The following OSBPL8 variants were observed in gnomAD, a reference collection of about 807,000 sequenced individuals.
OSBPL8 encodes the protein oxysterol binding protein like 8, also known as oxysterol-binding protein-related protein 8.
OSBPL8 carries 59 observed loss-of-function variants against 125.5 expected under a neutral mutation model. The ratio of observed to expected loss-of-function variants is 0.47; its 90% CI spans 0.38 to 0.58. The LOEUF is 0.58. Ranked by LOEUF, OSBPL8 falls within the 20% of genes least tolerant of loss-of-function variation. The pLI, the probability that OSBPL8 is intolerant of heterozygous loss-of-function variation, is 0.00. For missense variants in OSBPL8, 758 were observed against 1,047.8 expected, an observed-to-expected ratio of 0.72 and a Z score of 3.82; for synonymous variants, 330 against 338.9, an observed-to-expected ratio of 0.97 and a Z score of 0.29.
At chr12:76,399,205 T>C (rs1011385207) in intron 7 of OSBPL8, among the ~76,000 whole-genome samples, 1 of 152,124 alleles carries the variant, frequency 6.6e-6, no homozygotes, top group Non-Finnish European at 1.5e-5. Flanking sequence ...TCAGAGGCCT[T>C]AGTAAGTCTT....
intron 1 of OSBPL8, among the ~76,000 whole-genome samples, chr12:76,532,834 T>C (rs1252797587): frequency 1.3e-5 from 2 of 152,134 alleles, no homozygotes; most frequent in African/African-American, 2.4e-5. Flanking sequence ...ACTATCCTAA[T>C]GGGGGCTCCA....
intron 1 of OSBPL8, among the ~76,000 whole-genome samples, chr12:76,554,323 GAAGATCACAAGGTC>G (rs1282701029): frequency 6.6e-6 from 1 of 152,130 alleles, no homozygotes. Flanking sequence ...ACAGACTCAG[GAAGATCACAAGGTC>G]AAGACGTATC....
In OSBPL8 at chr12:76,499,338, CT is replaced by C. The variant is rs901897680; in HGVS notation, c.-67-11721del. Among the ~76,000 whole-genome samples the C allele has an allele frequency of 6.8e-5, 8 of 117,744 alleles. No homozygotes were observed. The South Asian group carries it at 7.6e-4, about 11-fold the overall frequency. 77.2% of individuals were successfully genotyped at this position (117,744 alleles called of 152,430 possible). Reference sequence around the variant, plus strand: ...TCTATCTATCTATCTATCTATCTATCTATCTATCTATCATCTATCTATCTAT... The same window carrying C: ...TCTATCTATCTATCTATCTATCTATCATCTATCTATCATCTATCTATCTAT... On this transcript the variant is annotated intron_variant, in intron 1 of 23. Transcript: ENST00000261183.
intron 21 of OSBPL8, among the ~76,000 whole-genome samples, chr12:76,359,228 A>G (rs889988535): frequency 6.6e-6 from 1 of 152,186 alleles, no homozygotes; most frequent in African/African-American, 2.4e-5. Flanking sequence ...TATAAATCAT[A>G]TTTATTTTGT....
At chr12:76,437,038 G>C (rs1871541681) in intron 4 of OSBPL8, among the ~76,000 whole-genome samples, 1 of 151,880 alleles carries the variant, frequency 6.6e-6, no homozygotes, top group Non-Finnish European at 1.5e-5. Context: ...GTACTCTATT[G>C]TATGAATATA....
intron 6 of OSBPL8, among the ~76,000 whole-genome samples, chr12:76,400,908 C>A (rs900952073): frequency 6.6e-6 from 1 of 151,532 alleles, no homozygotes; most frequent in Admixed American, 6.6e-5. Flanking sequence ...TGTGCCTCAG[C>A]CTCCCAAGCA....
In OSBPL8 at chr12:76,402,707, T is replaced by G. The variant is rs764557784; in HGVS notation, c.348A>C (p.Thr116=). Residue 116 remains threonine (T), a synonymous_variant, in exon 6 of 24, where the codon ACA becomes ACC. Coordinates refer to ENST00000261183, the MANE Select transcript of OSBPL8 (RefSeq NM_020841.5). ...AACTAACCTTAAGAGATTCTTTTTTTGTGAGTTTGCTTGAAGTTGAACTGT... is the reference window on the plus strand; with the variant it reads ...AACTAACCTTAAGAGATTCTTTTTTGGTGAGTTTGCTTGAAGTTGAACTGT... The part of the protein sequence containing the change: ...EKDSSTSSKL[T]KKESLKVQKK... The G allele has an allele frequency of 2.7e-5, 43 of 1,605,964 alleles. No homozygotes were observed. Among genetic ancestry groups the G allele is most frequent in the Admixed American group, 5.0e-5 (3 of 59,900 alleles).
intron 11 of OSBPL8, chr12:76,390,046 T>C (rs2136290893): frequency 2.4e-6 from 1 of 412,958 alleles, no homozygotes; most frequent in East Asian, 3.6e-5. Context: ...ATACAAGAGA[T>C]CCACTACAAA....
Position 76,491,498 on chromosome 12 carries a change from T to C in OSBPL8, c.-67-3880A>G, listed in dbSNP as rs151026296. On this transcript the variant is annotated intron_variant, in intron 1 of 23. Transcript: ENST00000261183. ...CATTATTTAATTGGACTTTGTAAGGTTGACATTTGGCTCCTTTGATATAAT... is the reference window on the plus strand; with the variant it reads ...CATTATTTAATTGGACTTTGTAAGGCTGACATTTGGCTCCTTTGATATAAT... Among the ~76,000 whole-genome samples the C allele has an allele frequency of 1.5e-4, 23 of 152,344 alleles. 1 individual carries two copies. In the East Asian group the frequency reaches 2.7e-3, roughly 18 times the overall value.
At chr12:76,422,464 A>C (rs963758416) in intron 4 of OSBPL8, 19 of 450,070 alleles carry the variant, frequency 4.2e-5, no homozygotes, top group African/African-American at 3.6e-4. Flanking sequence ...GTTTATTTTA[A>C]TTAAAAGTCT....
intron 1 of OSBPL8, among the ~76,000 whole-genome samples, chr12:76,534,793 C>T (rs1350202603): frequency 6.6e-6 from 1 of 152,062 alleles, no homozygotes; most frequent in Non-Finnish European, 1.5e-5. Flanking sequence ...TAATGTGGTA[C>T]TAGCATACCG....
chr12:76,381,478 T>A (rs1953048579), intron 15 of OSBPL8, among the ~76,000 whole-genome samples: 1 of 152,196 alleles, frequency 6.6e-6, no homozygotes, highest in East Asian at 1.9e-4. Flanking sequence ...AAGAAATTTG[T>A]CCATTTCAAA....
intron 4 of OSBPL8, among the ~76,000 whole-genome samples, chr12:76,412,906 G>A (rs1057120974): frequency 1.3e-5 from 2 of 152,120 alleles, no homozygotes; most frequent in African/African-American, 2.4e-5. Flanking sequence ...TGACTTTGCA[G>A]GCATAGTTAG....
chr12:76,397,944 G>A, intron 7 of OSBPL8, 47 bp from the exon 8 acceptor site: 1 of 1,527,726 alleles, frequency 6.5e-7, no homozygotes. Context: ...TGTTCTCCAA[G>A]GTCCAAACGA....
At position 76,559,656 on chromosome 12, in the gene OSBPL8, A is replaced by C. The variant is rs990215459; in HGVS notation, c.-327T>G. On this transcript the variant is annotated 5_prime_UTR_variant, in exon 1 of 24. Coordinates refer to ENST00000261183, the MANE Select transcript of OSBPL8 (RefSeq NM_020841.5). Reference sequence around the variant, plus strand: ...CCCGGGCGGACCCCCACCTTCCCTCAGTCGGCTTGCTACCGGCAGCGGCTA... The same window carrying C: ...CCCGGGCGGACCCCCACCTTCCCTCCGTCGGCTTGCTACCGGCAGCGGCTA... The C allele has an allele frequency of 6.6e-6, 1 of 152,294 alleles. No homozygotes were observed. The highest frequency in any genetic ancestry group is 2.1e-4 in the South Asian group (1 of 4,830). 9.4% of individuals were successfully genotyped at this position (152,294 alleles called of 1,614,324 possible).
intron 1 of OSBPL8, among the ~76,000 whole-genome samples, chr12:76,518,191 A>G (rs1274415213): frequency 1.3e-5 from 2 of 152,218 alleles, no homozygotes; most frequent in African/African-American, 4.8e-5. Context: ...TCAAAACAAG[A>G]TACATTGGTG....
intron 5 of OSBPL8, among the ~76,000 whole-genome samples, chr12:76,404,870 G>A (rs1357767761): frequency 6.6e-6 from 1 of 152,166 alleles, no homozygotes; most frequent in Non-Finnish European, 1.5e-5. Flanking sequence ...GGGGAGGGCA[G>A]GGTCAGTGCC....
In OSBPL8 at chr12:76,369,741, A is replaced by G; in HGVS notation, c.2136T>C (p.Ala712=). Residue 712 remains alanine (A), a synonymous_variant, in exon 20 of 24, where the codon GCT becomes GCC. Coordinates refer to ENST00000261183, the MANE Select transcript of OSBPL8 (RefSeq NM_020841.5). The part of the protein sequence containing the change: ...ATQEKYVLEE[A]QRQAARDRKT... ...TCCGATCCCTGGCAGCTTGTCTTTG[A>G]GCTTCTTCCAAAACATACTTCTCTT... 1 of 1,613,616 alleles carries G rather than the reference A, an allele frequency of 6.2e-7. No homozygotes were observed. Among genetic ancestry groups the G allele is most frequent in the Non-Finnish European group, 8.5e-7 (1 of 1,179,746 alleles).
At chr12:76,468,973 A>G (rs1458938450) in intron 2 of OSBPL8, among the ~76,000 whole-genome samples, 3 of 152,190 alleles carry the variant, frequency 2.0e-5, no homozygotes, top group Non-Finnish European at 2.9e-5. Flanking sequence ...GGAAGTGGCT[A>G]TACTATCAGA....
Sources: gnomAD v4.1 joint callset for allele counts (sites outside exome capture counted in the v4.1 genomes callset) on GRCh38, gnomAD v4.1.1 for gene constraint, MANE v1.5 for transcripts, NCBI Gene and HGNC (gene_info 2026-07-23, HGNC 2026-07-21) for gene names.